Variants in DNAJA2 observed in about 807,000 individuals in gnomAD.
The protein encoded by DNAJA2 is DnaJ heat shock protein family (Hsp40) member A2.
Under a neutral mutation model 49.3 loss-of-function variants are expected in DNAJA2, and 6 were observed. That is an observed-to-expected ratio of 0.12 (90% CI 0.07 to 0.24). The LOEUF is 0.24. Ranked by LOEUF, DNAJA2 falls within the 10% of genes least tolerant of loss-of-function variation. DNAJA2 has a pLI of 1.00. For synonymous variants in DNAJA2, 160 were observed against 172.7 expected (o/e 0.93, Z 0.58); for missense variants, 347 against 516.8 (o/e 0.67, Z 3.19).
At chr16:46,971,675 A>AAAAAAAC in intron 2 of DNAJA2, 103 bp from the exon 3 acceptor site, 1 of 1,014,102 alleles carries the variant, frequency 9.9e-7, no homozygotes, top group Non-Finnish European at 1.4e-6. Context: ...AAAAAAAAAA[A>AAAAAAAC]AGGGACAAGT....
In DNAJA2 at chr16:46,955,942, C is replaced by A. The variant is rs1197151217; in HGVS notation, c.*1087G>T. On this transcript the variant is annotated 3_prime_UTR_variant, in exon 9 of 9. Coordinates refer to ENST00000317089, the MANE Select transcript of DNAJA2 (RefSeq NM_005880.4). ...CCTTCATTCTTAAATTCTGAATAAG[C>A]ATCTTACTTTTCTATAAAACATTAC... 6.6e-6 allele frequency: 1 copy of A among 152,030 alleles called. No homozygotes were observed. Among genetic ancestry groups the A allele is most frequent in the African/African-American group, 2.4e-5 (1 of 41,386 alleles). 9.4% of individuals were successfully genotyped at this position (152,030 alleles called of 1,614,324 possible). A position where few individuals can be genotyped will look rare whatever the true frequency, so the allele number is the denominator to read the frequency against.
chr16:46,971,275 T>C, intron 3 of DNAJA2, 74 bp downstream of exon 3: 1 of 1,328,996 alleles, frequency 7.5e-7, no homozygotes, highest in Non-Finnish European at 1.0e-6. Flanking sequence ...CTATGAGATT[T>C]TTCATCTACT....
chr16:46,967,782 G>C, intron 4 of DNAJA2, 136 bp from the exon 5 acceptor site: 1 of 1,254,244 alleles, frequency 8.0e-7, no homozygotes, highest in East Asian at 2.3e-5. Context: ...AGAAGTATCA[G>C]AAAACATTCT....
rs763594422 is a variant in DNAJA2, at chr16:46,956,563, A to T, written c.*466T>A. Reference sequence around the variant, plus strand: ...TCCAAACCCATTGTGTGCAAAGCCCATTTTTTTCCATGCATCTAAATGATA... The same window carrying T: ...TCCAAACCCATTGTGTGCAAAGCCCTTTTTTTTCCATGCATCTAAATGATA... On this transcript the variant is annotated 3_prime_UTR_variant, in exon 9 of 9. Coordinates refer to ENST00000317089, the MANE Select transcript of DNAJA2 (RefSeq NM_005880.4). 6.5e-6 allele frequency: 1 copy of T among 153,910 alleles called. No homozygotes were observed. Among genetic ancestry groups the T allele is most frequent in the Non-Finnish European group, 1.5e-5 (1 of 68,956 alleles). The allele number at this position is 153,910 out of a possible 1,614,324, so 9.5% of individuals were successfully genotyped here. A position where few individuals can be genotyped will look rare whatever the true frequency, so the allele number is the denominator to read the frequency against.
chr16:46,964,895 CT>C, intron 5 of DNAJA2, 88 bp from the exon 6 acceptor site: 1 of 1,090,684 alleles, frequency 9.2e-7, no homozygotes, highest in Non-Finnish European at 1.3e-6. Flanking sequence ...TTCTGGACTT[CT>C]TTTAATCACT....
At chr16:46,965,995 A>G (rs1961964518) in intron 5 of DNAJA2, among the ~76,000 whole-genome samples, 2 of 151,768 alleles carry the variant, frequency 1.3e-5, no homozygotes. Flanking sequence ...AGGCTGGGGC[A>G]GGAGAATTAC....
At chr16:46,967,770 C>T in intron 4 of DNAJA2, 124 bp from the exon 5 acceptor site, 1 of 1,307,142 alleles carries the variant, frequency 7.7e-7, no homozygotes, top group Non-Finnish European at 1.1e-6. Context: ...AAATTGACTT[C>T]CAGAAGTATC....
At chr16:46,960,112 T>C (rs1961873735) in intron 6 of DNAJA2, among the ~76,000 whole-genome samples, 1 of 152,252 alleles carries the variant, frequency 6.6e-6, no homozygotes, top group South Asian at 2.1e-4. Flanking sequence ...TCACTCTTCT[T>C]GTAAAGAACA....
At chr16:46,963,348 T>C (rs1271984046) in intron 6 of DNAJA2, among the ~76,000 whole-genome samples, 1 of 151,986 alleles carries the variant, frequency 6.6e-6, no homozygotes, top group African/African-American at 2.4e-5. Context: ...ACATTAAAAA[T>C]ATACAAGTGC....
At position 46,959,382 on chromosome 16, in the gene DNAJA2, T is replaced by G; in HGVS notation, c.812A>C (p.Tyr271Ser). Residue 271 changes from tyrosine (Y) to serine (S), a missense_variant, in exon 7 of 9, where the codon TAT (tyrosine) becomes TCT (serine). Transcript: ENST00000317089. Reference protein sequence around the residue: ...QRDGNDLHMTYKIGLVEALCG... With the variant: ...QRDGNDLHMTSKIGLVEALCG... ...TAGAGCTTCAACAAGTCCTATTTTATATGTCATGTGCAAATCATTCCCATC... is the reference window on the plus strand; with the variant it reads ...TAGAGCTTCAACAAGTCCTATTTTAGATGTCATGTGCAAATCATTCCCATC... 1.2e-6 allele frequency: 2 copies of G among 1,613,748 alleles called. No homozygotes were observed. Among genetic ancestry groups the G allele is most frequent in the Non-Finnish European group, 1.7e-6 (2 of 1,179,660 alleles).
chr16:46,967,714 G>A (rs2034598), intron 4 of DNAJA2, 68 bp from the exon 5 acceptor site: 448,274 of 1,592,644 alleles, frequency 0.28, 66,014 homozygotes, highest in Middle Eastern at 0.31. Context: ...ATGACACACA[G>A]AAATTGTGCT....
intron 3 of DNAJA2, among the ~76,000 whole-genome samples, chr16:46,968,983 G>T (rs1163292378): frequency 6.6e-6 from 1 of 152,182 alleles, no homozygotes; most frequent in East Asian, 1.9e-4. Flanking sequence ...GGAGATTGAG[G>T]CTGCAGTGAG....
intron 1 of DNAJA2, chr16:46,973,005 GCT>G (rs960221580): frequency 1.3e-5 from 2 of 152,082 alleles, no homozygotes; most frequent in Non-Finnish European, 2.9e-5. Context: ...CGCCCGAGGC[GCT>G]CTGTGGGGGC....
At chr16:46,965,270 A>ACTGCCT (rs769774188) in intron 5 of DNAJA2, among the ~76,000 whole-genome samples, 13 of 152,214 alleles carry the variant, frequency 8.5e-5, no homozygotes, top group Non-Finnish European at 1.3e-4. Flanking sequence ...ACTACTGCAG[A>ACTGCCT]CTGCCTGAAG....
intron 6 of DNAJA2, among the ~76,000 whole-genome samples, chr16:46,962,206 A>C (rs1368299780): frequency 2.0e-5 from 3 of 152,204 alleles, no homozygotes; most frequent in Non-Finnish European, 4.4e-5. Context: ...TGACTCTTTA[A>C]TATCCAAAAA....
At chr16:46,959,201 G>C in intron 7 of DNAJA2, 71 bp from the exon 8 acceptor site, 4 of 1,581,186 alleles carry the variant, frequency 2.5e-6, no homozygotes, top group Admixed American at 1.9e-5. Context: ...GAGTTATGCA[G>C]TATAAAAAAA....
chr16:46,967,967 G>A (rs1961996198), intron 4 of DNAJA2, 117 bp downstream of exon 4: 1 of 1,001,330 alleles, frequency 1.0e-6, no homozygotes. Context: ...TCAGGTGTGA[G>A]CCACCGCACC....
At chr16:46,972,146 A>G (rs1962061057) in intron 1 of DNAJA2, 191 bp from the exon 2 acceptor site, 2 of 564,256 alleles carry the variant, frequency 3.5e-6, no homozygotes, top group Non-Finnish European at 6.2e-6. Context: ...CCAAGTAGAC[A>G]GCAGCTATAC....
chr16:46,972,649 C>T (rs1962071000), intron 1 of DNAJA2: 1 of 152,244 alleles, frequency 6.6e-6, no homozygotes, highest in African/African-American at 2.4e-5. Context: ...TTCTCACTGC[C>T]TAAGGAGCAT....
Sources: allele counts gnomAD v4.1 joint callset (sites outside exome capture counted in the v4.1 genomes callset), GRCh38; gene constraint gnomAD v4.1.1; transcripts MANE v1.5; gene names NCBI Gene and HGNC (gene_info 2026-07-23, HGNC 2026-07-21).